Variants in USP34 observed in about 807,000 individuals in gnomAD.
USP34 encodes ubiquitin carboxyl-terminal hydrolase 34.
In USP34, 70 loss-of-function variants were observed where a neutral mutation model predicts 460.3. The observed-to-expected ratio is 0.15, with a 90% CI of 0.13 to 0.19. USP34 has a LOEUF of 0.19. Ranked by LOEUF, USP34 falls within the 10% of genes least tolerant of loss-of-function variation. USP34 has a pLI of 1.00. For synonymous variants in USP34, 1,647 were observed against 1,405.3 expected (o/e 1.17, Z -3.85); for missense variants, 3,985 against 4,236.2 (o/e 0.94, Z 1.65).
chr2:61,239,079 C>A, intron 53 of USP34, among the ~76,000 whole-genome samples: 1 of 151,910 alleles, frequency 6.6e-6, no homozygotes, highest in Admixed American at 6.6e-5. Flanking sequence ...TATAAGACGG[C>A]AAACTTAATA....
chr2:61,385,440 G>C (rs532882460), intron 5 of USP34, among the ~76,000 whole-genome samples: 1 of 152,066 alleles, frequency 6.6e-6, no homozygotes, highest in East Asian at 1.9e-4. Flanking sequence ...GGGAGGCCGA[G>C]GCGGGCGGAT....
At chr2:61,194,462 C>A (rs1686736729) in intron 75 of USP34, among the ~76,000 whole-genome samples, 1 of 152,196 alleles carries the variant, frequency 6.6e-6, no homozygotes, top group Non-Finnish European at 1.5e-5. Flanking sequence ...AAATCTGACC[C>A]ATGGCCTGTT....
In USP34 at chr2:61,368,303, G is replaced by A. The variant is rs565061393; in HGVS notation, c.1251+2018C>T. Among the ~76,000 whole-genome samples, 15 of 152,224 alleles carry A rather than the reference G, an allele frequency of 9.9e-5. No individual in the cohort carries two copies. In the South Asian group the frequency reaches 2.7e-3, roughly 27 times the overall value. On this transcript the variant is annotated intron_variant, in intron 10 of 79. Coordinates refer to ENST00000398571, the MANE Select transcript of USP34 (RefSeq NM_014709.4). ...AAAAATTAGCTGGGCGTGGTGGCGC[G>A]TGCCTGTAATCCCAGCTAGTGAGGA...
chr2:61,453,960 G>A (rs1406822649), intron 1 of USP34, among the ~76,000 whole-genome samples: 1 of 151,708 alleles, frequency 6.6e-6, no homozygotes, highest in Non-Finnish European at 1.5e-5. Flanking sequence ...TGTTTTTTAT[G>A]AGCATTTTAT....
intron 29 of USP34, among the ~76,000 whole-genome samples, chr2:61,298,381 A>AAAAAAAAAC (rs1690103152): frequency 6.9e-6 from 1 of 145,058 alleles, no homozygotes; most frequent in Non-Finnish European, 1.5e-5. Context: ...AAAAAAAAAA[A>AAAAAAAAAC]AAAAAAACTA....
intron 25 of USP34, among the ~76,000 whole-genome samples, chr2:61,312,970 C>T (rs1418367684): frequency 6.6e-6 from 1 of 152,040 alleles, no homozygotes; most frequent in African/African-American, 2.4e-5. Flanking sequence ...ATACACAGAA[C>T]ACAAAGAACA....
At chr2:61,437,812 A>T (rs1034150613) in intron 1 of USP34, among the ~76,000 whole-genome samples, 3 of 150,790 alleles carry the variant, frequency 2.0e-5, no homozygotes, top group Non-Finnish European at 3.0e-5. Flanking sequence ...TAAATAAATA[A>T]ATAAAAAACC....
At chr2:61,355,287 G>C (rs1692069362) in intron 10 of USP34, among the ~76,000 whole-genome samples, 1 of 152,120 alleles carries the variant, frequency 6.6e-6, no homozygotes, top group African/African-American at 2.4e-5. Context: ...AAATAAGAAA[G>C]ATCTCTGATA....
intron 54 of USP34, 25 bp from the exon 55 acceptor site, chr2:61,236,261 A>C (rs2103845163): frequency 6.2e-7 from 1 of 1,600,302 alleles, no homozygotes; most frequent in South Asian, 1.1e-5. Flanking sequence ...TAATCATTTA[A>C]AATTCACACG....
intron 1 of USP34, among the ~76,000 whole-genome samples, chr2:61,448,248 A>C (rs1229242714): frequency 2.0e-5 from 3 of 152,212 alleles, no homozygotes; most frequent in Non-Finnish European, 4.4e-5. Context: ...CCAAGGCAGG[A>C]GGACTGCTTC....
At chr2:61,461,951 T>C (rs1303648589) in intron 1 of USP34, among the ~76,000 whole-genome samples, 3 of 152,064 alleles carry the variant, frequency 2.0e-5, no homozygotes, top group Non-Finnish European at 4.4e-5. Context: ...TACAAAAACA[T>C]GTTTTCAGCC....
At chr2:61,314,410 G>A (rs533369624) in intron 25 of USP34, among the ~76,000 whole-genome samples, 175 bp downstream of exon 25, 1 of 152,022 alleles carries the variant, frequency 6.6e-6, no homozygotes, top group Non-Finnish European at 1.5e-5. Flanking sequence ...CTATTCCAAG[G>A]CAAAATGGTA....
At chr2:61,387,826 A>C (rs1221955780) in intron 5 of USP34, among the ~76,000 whole-genome samples, 2 of 148,210 alleles carry the variant, frequency 1.3e-5, no homozygotes, top group African/African-American at 2.4e-5. Flanking sequence ...CACATGTAAA[A>C]ATATATTTTT....
At chr2:61,404,109 C>T (rs1231759926) in intron 3 of USP34, among the ~76,000 whole-genome samples, 1 of 147,972 alleles carries the variant, frequency 6.8e-6, no homozygotes, top group South Asian at 2.2e-4. Context: ...AATATTCTTA[C>T]GAAGAATTCT....
At chr2:61,393,323 C>A (rs1282547600) in intron 5 of USP34, among the ~76,000 whole-genome samples, 1 of 149,634 alleles carries the variant, frequency 6.7e-6, no homozygotes, top group African/African-American at 2.5e-5. Context: ...CCCAACTACT[C>A]GGGAGGCTGA....
In USP34 at chr2:61,298,577, CTGAAACAA is replaced by C. The variant is rs1374995403; in HGVS notation, c.4129-1660_4129-1653del. On this transcript the variant is annotated intron_variant, in intron 29 of 79. Transcript: ENST00000398571. ...AAAAAAAAAAAAAAAAAAAAATCTG[CTGAAACAA>C]TGAAATGCTTTCCCTTTGGTTTAAG... 8.7e-5 allele frequency among the ~76,000 whole-genome samples: 8 copies of C among 91,998 alleles called. No homozygotes were observed. The Admixed American group carries it at 9.0e-4, about 10-fold the overall frequency. The allele number at this position is 91,998 out of a possible 152,430, so 60.4% of individuals were successfully genotyped here. A position where few individuals can be genotyped will look rare whatever the true frequency, so the allele number is the denominator to read the frequency against.
intron 66 of USP34, 60 bp downstream of exon 66, chr2:61,221,442 T>C (rs1687582361): frequency 6.9e-7 from 1 of 1,444,134 alleles, no homozygotes; most frequent in Admixed American, 2.2e-5. Flanking sequence ...GTAGTGACTA[T>C]ATTATAAAAA....
intron 1 of USP34, among the ~76,000 whole-genome samples, chr2:61,445,037 T>C (rs1356802299): frequency 6.6e-6 from 1 of 151,496 alleles, no homozygotes; most frequent in Non-Finnish European, 1.5e-5. Flanking sequence ...AATGGAATGA[T>C]TGGTTTGAAG....
intron 2 of USP34, among the ~76,000 whole-genome samples, chr2:61,415,266 G>C (rs1168509568): frequency 6.6e-6 from 1 of 152,016 alleles, no homozygotes; most frequent in Non-Finnish European, 1.5e-5. Context: ...ACCAGGGGTG[G>C]GGGGATAAAA....
Sources: allele counts gnomAD v4.1 joint callset (sites outside exome capture counted in the v4.1 genomes callset), GRCh38; gene constraint gnomAD v4.1.1; transcripts MANE v1.5; gene names NCBI Gene and HGNC (gene_info 2026-07-23, HGNC 2026-07-21).